Variants in DPP6 observed in about 807,000 individuals in gnomAD.
The protein encoded by DPP6 is dipeptidyl peptidase like 6, also known as A-type potassium channel modulatory protein DPP6.
Under a neutral mutation model 122.6 loss-of-function variants are expected in DPP6, and 69 were observed. The ratio of observed to expected loss-of-function variants is 0.56; its 90% CI spans 0.46 to 0.69. The LOEUF (loss-of-function observed/expected upper bound fraction) is 0.69. Among genes scored for constraint, DPP6 ranks in the 30% least tolerant of loss-of-function variants. The pLI is 0.00. For synonymous variants in DPP6, 418 were observed against 433.1 expected (o/e 0.97, Z 0.43); for missense variants, 928 against 1,116.9 (o/e 0.83, Z 2.41).
In DPP6 at chr7:153,893,547, C is replaced by G. The variant is rs573731311; in HGVS notation, c.51+5813C>G. Among the ~76,000 whole-genome samples, 118 of 152,350 alleles carry G rather than the reference C, an allele frequency of 7.7e-4. 1 individual carries two copies. The highest frequency in any genetic ancestry group is 2.6e-3 in the African/African-American group (110 of 41,596). ...TTAGTTGAACGTTTAAGAACTCCTT[C>G]AAGTCCTAATACATCAGGTAACAGG... On this transcript the variant is annotated intron_variant, in intron 1 of 25. Coordinates refer to the DPP6 transcript ENST00000404039.
chr7:154,455,759 A>G (rs1445859203), intron 2 of DPP6, among the ~76,000 whole-genome samples: 1 of 152,200 alleles, frequency 6.6e-6, no homozygotes, highest in Non-Finnish European at 1.5e-5. Flanking sequence ...ACTCGTGTTA[A>G]GACTATAAGC....
chr7:153,875,516 A>T, the DPP6 span, among the ~76,000 whole-genome samples: 1 of 152,166 alleles, frequency 6.6e-6, no homozygotes, highest in African/African-American at 2.4e-5. Context: ...AAATAATAGC[A>T]CAAAAGACAG....
At chr7:153,791,424 CT>C in the DPP6 span, among the ~76,000 whole-genome samples, 19 of 91,620 alleles carry the variant, frequency 2.1e-4, no homozygotes, top group African/African-American at 4.6e-4. Context: ...TCCTTCCTTT[CT>C]TTTTTTTTTT....
the DPP6 span, among the ~76,000 whole-genome samples, chr7:153,762,568 C>T: frequency 2.9e-4 from 44 of 151,314 alleles, no homozygotes; most frequent in African/African-American, 1.0e-3. Context: ...GTCAGGAATT[C>T]GAGACCAGCC....
chr7:154,233,928 G>A (rs1801054168), intron 1 of DPP6, among the ~76,000 whole-genome samples: 1 of 152,170 alleles, frequency 6.6e-6, no homozygotes, highest in South Asian at 2.1e-4. Flanking sequence ...AAAGGCTGTG[G>A]GTTGGATTAC....
At chr7:154,805,006 G>T in intron 15 of DPP6, 42 bp downstream of exon 15, 1 of 1,569,704 alleles carries the variant, frequency 6.4e-7, no homozygotes, top group Non-Finnish European at 8.7e-7. Flanking sequence ...TCCCCCTTAG[G>T]AGGGCATCCA....
chr7:154,420,237 T>A (rs758136266), intron 1 of DPP6, among the ~76,000 whole-genome samples: 67 of 152,244 alleles, frequency 4.4e-4, no homozygotes, highest in Non-Finnish European at 8.5e-4. Flanking sequence ...CTCGGGATGC[T>A]GAGGCAGAGA....
chr7:154,258,057 G>C (rs1034010039), intron 1 of DPP6, among the ~76,000 whole-genome samples: 1 of 149,406 alleles, frequency 6.7e-6, no homozygotes, highest in Non-Finnish European at 1.5e-5. Flanking sequence ...GGCACCACTA[G>C]AAATTACATA....
intron 1 of DPP6, among the ~76,000 whole-genome samples, chr7:154,382,471 C>T (rs997669249): frequency 3.3e-5 from 5 of 152,340 alleles, no homozygotes; most frequent in Admixed American, 6.5e-5. Context: ...CTGGGAGATA[C>T]GCCTATTCTG....
At chr7:153,926,195 C>T (rs768910273) in intron 1 of DPP6, among the ~76,000 whole-genome samples, 1 of 152,248 alleles carries the variant, frequency 6.6e-6, no homozygotes, top group African/African-American at 2.4e-5. Context: ...TGTTACCTGT[C>T]ACCGATCATG....
intron 1 of DPP6, among the ~76,000 whole-genome samples, chr7:153,895,419 A>G (rs910158242): frequency 1.3e-5 from 2 of 152,188 alleles, no homozygotes; most frequent in Non-Finnish European, 2.9e-5. Context: ...TCCCTCTCCC[A>G]GTTAAGGGTA....
intron 5 of DPP6, among the ~76,000 whole-genome samples, chr7:154,615,707 C>T (rs1006404691): frequency 1.4e-5 from 2 of 143,748 alleles, no homozygotes; most frequent in South Asian, 4.9e-4. Context: ...GTGTAACCAT[C>T]ACCACTATCT....
chr7:154,547,787 C>A (rs1258509052), intron 4 of DPP6, among the ~76,000 whole-genome samples: 1 of 151,378 alleles, frequency 6.6e-6, no homozygotes, highest in Non-Finnish European at 1.5e-5. Context: ...TTTTGTCTTT[C>A]TTGTCCTACT....
chr7:154,489,367 A>C (rs576534826), intron 3 of DPP6, among the ~76,000 whole-genome samples: 1 of 152,276 alleles, frequency 6.6e-6, no homozygotes, highest in Non-Finnish European at 1.5e-5. Context: ...CTCCCTTCGC[A>C]AGCTGAGTAT....
intron 1 of DPP6, among the ~76,000 whole-genome samples, chr7:154,223,030 C>A (rs924882411): frequency 2.7e-5 from 4 of 149,016 alleles, no homozygotes; most frequent in South Asian, 2.1e-4. Context: ...GGCTGTGGAA[C>A]CTGCATTGAA....
In DPP6 at chr7:154,624,896, G is replaced by A. The variant is rs879293482; in HGVS notation, c.628-12925G>A. ...GAGCATGCTTCAGGGCTGAGCATAT[G>A]ACCAACATTTTACATTTCAGAGTTG... On this transcript the variant is annotated intron_variant, in intron 5 of 25. Transcript: ENST00000377770. The surrounding 1 kb of genome is among the most constrained non-coding windows in gnomAD (Gnocchi z 4.7). Among the ~76,000 whole-genome samples the A allele has an allele frequency of 6.6e-6, 1 of 152,168 alleles. No individual in the cohort carries two copies. The highest frequency in any genetic ancestry group is 1.5e-5 in the Non-Finnish European group (1 of 68,024).
intron 1 of DPP6, among the ~76,000 whole-genome samples, chr7:154,060,148 C>T (rs1485668174): frequency 3.4e-5 from 5 of 147,770 alleles, no homozygotes; most frequent in Non-Finnish European, 6.0e-5. Context: ...CCTCCCCTGG[C>T]TCTTTGCACC....
chr7:154,201,135 G>GT lies in DPP6; in HGVS notation c.243+148081dup, dbSNP rs936453615. On this transcript the variant is annotated intron_variant, in intron 1 of 25. Transcript: ENST00000377770. ...GAAAGGATTGCCTTTTTTTGTTGTT[G>GT]TTTTTTTTTGAGATGGAGTTTCCCT... Among the ~76,000 whole-genome samples, 17 of 150,626 alleles carry GT rather than the reference G, an allele frequency of 1.1e-4. No individual in the cohort carries two copies. The South Asian group carries it at 1.3e-3, about 11-fold the overall frequency.
chr7:154,796,204 G>A, intron 12 of DPP6: 1 of 328,034 alleles, frequency 3.0e-6, no homozygotes, highest in Non-Finnish European at 5.5e-6. Context: ...TCCATCAAAG[G>A]TGGCTTAACA....
Sources: allele counts gnomAD v4.1 joint callset (sites outside exome capture counted in the v4.1 genomes callset), GRCh38; gene constraint gnomAD v4.1.1; non-coding constraint Gnocchi (gnomAD v3.1); transcripts MANE v1.5; gene names NCBI Gene and HGNC (gene_info 2026-07-23, HGNC 2026-07-21).